FRK: variants seen among roughly 807,000 people sequenced by gnomAD.
FRK encodes the protein tyrosine-protein kinase FRK.
Under a neutral mutation model 56.4 loss-of-function variants are expected in FRK, and 51 were observed. That is an observed-to-expected ratio of 0.90 (90% CI 0.72 to 1.14). The LOEUF (loss-of-function observed/expected upper bound fraction) is 1.14, where lower values mean the gene tolerates loss of function less well. Ranked by LOEUF, FRK falls within the 50% of genes most tolerant of loss-of-function variation. The pLI is 0.00. For missense variants in FRK, 570 were observed against 601.4 expected (o/e 0.95, Z 0.55); for synonymous variants, 245 against 217.9 (o/e 1.12, Z -1.10).
chr6:116,037,660 C>T (rs1776539416), intron 1 of FRK, among the ~76,000 whole-genome samples: 1 of 152,212 alleles, frequency 6.6e-6, no homozygotes, highest in Non-Finnish European at 1.5e-5. Flanking sequence ...TCGTTTCTCA[C>T]ACATTCTCAC....
intron 2 of FRK, among the ~76,000 whole-genome samples, chr6:115,977,046 T>C (rs1053003578): frequency 1.3e-5 from 2 of 152,166 alleles, no homozygotes; most frequent in Non-Finnish European, 2.9e-5. Context: ...CGTTTGTTTT[T>C]AGATTTGTTT....
chr6:116,081,699 CA>C, the FRK span, among the ~76,000 whole-genome samples: 15 of 151,120 alleles, frequency 9.9e-5, no homozygotes, highest in African/African-American at 3.7e-4. Context: ...TAAAAGATAA[CA>C]ATAATAATAA....
chr6:115,959,514 G>C (rs1773241532), intron 4 of FRK, among the ~76,000 whole-genome samples: 1 of 152,084 alleles, frequency 6.6e-6, no homozygotes, highest in South Asian at 2.1e-4. Context: ...AAAATCTCAG[G>C]TGCTAGAATA....
chr6:115,971,213 G>A (rs1773794363), intron 2 of FRK, among the ~76,000 whole-genome samples: 2 of 152,134 alleles, frequency 1.3e-5, no homozygotes, highest in Non-Finnish European at 2.9e-5. Context: ...ATTTCAGTAT[G>A]GAAGGTTATT....
chr6:115,995,153 T>C (rs932784116), intron 2 of FRK, among the ~76,000 whole-genome samples: 20 of 152,302 alleles, frequency 1.3e-4, no homozygotes, highest in African/African-American at 4.8e-4. Context: ...TCTACCCAGA[T>C]TCTAAGAAAT....
At chr6:116,050,207 C>T (rs1285761471) in intron 1 of FRK, among the ~76,000 whole-genome samples, 8 of 152,162 alleles carry the variant, frequency 5.3e-5, no homozygotes, top group Admixed American at 4.6e-4. Context: ...GACGAGGCTA[C>T]ACTGTGACTA....
the FRK span, among the ~76,000 whole-genome samples, chr6:116,089,688 T>C: frequency 6.6e-6 from 1 of 152,210 alleles, no homozygotes; most frequent in Non-Finnish European, 1.5e-5. Flanking sequence ...TTTTCTCTTC[T>C]TATAAGGACA....
Position 115,975,614 on chromosome 6 carries a change from A to G in FRK, c.467-6875T>C, listed in dbSNP as rs151153854. Among the ~76,000 whole-genome samples the G allele has an allele frequency of 3.1e-3, 469 of 152,208 alleles. 3 individuals carry two copies. The highest frequency in any genetic ancestry group is 0.011 in the African/African-American group (449 of 41,538). On this transcript the variant is annotated intron_variant, in intron 2 of 7. Coordinates refer to ENST00000606080, the MANE Select transcript of FRK (RefSeq NM_002031.3). ...ACTGAGCCTATTCCATTTCCTACAG[A>G]CTATAAGTGAATGCTTGTGCCATTC... is the stretch of plus-strand genomic sequence containing the variant.
chr6:115,996,821 TGAAAAA>T (rs1174391165), intron 2 of FRK, among the ~76,000 whole-genome samples: 4 of 152,114 alleles, frequency 2.6e-5, no homozygotes, highest in African/African-American at 9.7e-5. Flanking sequence ...TTACCTACAA[TGAAAAA>T]GCCACTCAAA....
chr6:116,001,000 G>A (rs182043494), intron 2 of FRK, among the ~76,000 whole-genome samples: 288 of 152,296 alleles, frequency 1.9e-3, no homozygotes, highest in Non-Finnish European at 3.0e-3. Flanking sequence ...AGCACTTTAG[G>A]AGGCCAGGGA....
the FRK span, among the ~76,000 whole-genome samples, chr6:116,073,882 C>T: frequency 6.6e-6 from 1 of 152,150 alleles, no homozygotes. Flanking sequence ...TTAATAAGAG[C>T]TGACACGAGA....
rs1772130161 is a variant in FRK at position 115,940,107 on chromosome 6, G to T, written c.*2307C>A. 1 of 152,186 alleles carries T rather than the reference G, an allele frequency of 6.6e-6. No homozygotes were observed. The highest frequency in any genetic ancestry group is 1.5e-5 in the Non-Finnish European group (1 of 68,060). The allele number at this position is 152,186 out of a possible 1,614,324, so 9.4% of individuals were successfully genotyped here. A position where few individuals can be genotyped will look rare whatever the true frequency, so the allele number is the denominator to read the frequency against. On this transcript the variant is annotated 3_prime_UTR_variant, in exon 8 of 8. Coordinates refer to ENST00000606080, the MANE Select transcript of FRK (RefSeq NM_002031.3). ...CTACAAGGCTACAGTAAACAAAACA[G>T]CATGGTAGTGGTACCAAAACAGATA...
intron 1 of FRK, chr6:116,039,566 C>G: frequency 1.2e-6 from 1 of 853,476 alleles, no homozygotes; most frequent in Admixed American, 1.7e-5. Flanking sequence ...GTAACTGCCC[C>G]TCCCCTGCAC....
intron 1 of FRK, among the ~76,000 whole-genome samples, chr6:116,031,628 C>T (rs1179525262): frequency 6.6e-6 from 1 of 152,074 alleles, no homozygotes; most frequent in African/African-American, 2.4e-5. Context: ...GATCTGTGTA[C>T]ATCTAAGCCA....
chr6:115,998,727 T>C (rs964851863), intron 2 of FRK, among the ~76,000 whole-genome samples: 8 of 152,150 alleles, frequency 5.3e-5, no homozygotes, highest in Admixed American at 2.0e-4. Flanking sequence ...TTTCACTTAC[T>C]AGAGGGCCTG....
chr6:115,943,390 T>C (rs890986662), intron 6 of FRK, among the ~76,000 whole-genome samples: 1 of 150,678 alleles, frequency 6.6e-6, no homozygotes, highest in African/African-American at 2.4e-5. Context: ...AAATATTATT[T>C]AAGAGCCTAC....
intron 1 of FRK, among the ~76,000 whole-genome samples, chr6:116,009,636 G>T (rs1161648004): frequency 6.6e-6 from 1 of 152,094 alleles, no homozygotes; most frequent in Non-Finnish European, 1.5e-5. Flanking sequence ...CCAAGAAGAA[G>T]ATTAAACTCA....
intron 2 of FRK, among the ~76,000 whole-genome samples, chr6:115,978,555 A>C (rs1003618206): frequency 1.3e-5 from 2 of 152,182 alleles, no homozygotes; most frequent in Admixed American, 6.6e-5. Flanking sequence ...TCCATGAAGA[A>C]AATATTAATA....
Position 115,988,415 on chromosome 6 carries a change from T to A in FRK, c.466+15462A>T, listed in dbSNP as rs561007107. 2.6e-5 allele frequency among the ~76,000 whole-genome samples: 4 copies of A among 152,166 alleles called. No homozygotes were observed. In the South Asian group the frequency reaches 8.3e-4, roughly 32 times the overall value. Reference sequence around the variant, plus strand: ...TTTGACGTTCATAAAGCAAAACTGCTACTGTATGGAAGTGGTTTCATATAG... The same window carrying A: ...TTTGACGTTCATAAAGCAAAACTGCAACTGTATGGAAGTGGTTTCATATAG... On this transcript the variant is annotated intron_variant, in intron 2 of 7. Transcript: ENST00000606080.
Sources: gnomAD v4.1 joint callset for allele counts (sites outside exome capture counted in the v4.1 genomes callset) on GRCh38, gnomAD v4.1.1 for gene constraint, MANE v1.5 for transcripts, NCBI Gene and HGNC (gene_info 2026-07-23, HGNC 2026-07-21) for gene names.